Variants in FAT4 observed in about 807,000 individuals in gnomAD.
FAT4 encodes FAT atypical cadherin 4, also known as protocadherin Fat 4.
Under a neutral mutation model 303.9 loss-of-function variants are expected in FAT4, and 84 were observed. The ratio of observed to expected loss-of-function variants is 0.28; its 90% CI spans 0.23 to 0.33. The LOEUF (loss-of-function observed/expected upper bound fraction) is 0.33. Ranked by LOEUF, FAT4 falls within the 10% of genes least tolerant of loss-of-function variation. FAT4 has a pLI of 1.00. For synonymous variants in FAT4, 2,307 were observed against 2,298.8 expected, an observed-to-expected ratio of 1.00 and a Z score of -0.10; for missense variants, 6,005 against 6,146.8, an observed-to-expected ratio of 0.98 and a Z score of 0.77.
intron 2 of FAT4, among the ~76,000 whole-genome samples, chr4:125,347,595 T>TA (rs1732053120): frequency 6.6e-6 from 1 of 151,606 alleles, no homozygotes; most frequent in Non-Finnish European, 1.5e-5. Context: ...ATATAAAGCA[T>TA]AAATATAAAT....
intron 8 of FAT4, among the ~76,000 whole-genome samples, chr4:125,438,238 A>T (rs1421694104): frequency 6.6e-6 from 1 of 152,184 alleles, no homozygotes; most frequent in Non-Finnish European, 1.5e-5. Flanking sequence ...TCTTCCATTG[A>T]GTCATTCATT....
In FAT4 at chr4:125,491,606, C is replaced by T. The variant is rs1727648822; in HGVS notation, c.14790C>T (p.Phe4930=). The change falls in exon 18 of 18, where the codon TTC becomes TTT. Residue 4930 remains phenylalanine, a synonymous_variant. Coordinates refer to ENST00000394329, the MANE Select transcript of FAT4 (RefSeq NM_001291303.3). ...PMKLGQQAGT[F]NWDNLLNWGP... is the part of the protein sequence containing the mutation. ...AGCTAGGGCAGCAAGCAGGGACTTT[C>T]AACTGGGACAACCTTTTGAACTGGG... The T allele has an allele frequency of 1.9e-6, 3 of 1,614,188 alleles. No individual in the cohort carries two copies. The highest frequency in any genetic ancestry group is 2.5e-6 in the Non-Finnish European group (3 of 1,180,028).
intron 8 of FAT4, among the ~76,000 whole-genome samples, chr4:125,442,385 C>T (rs1211968822): frequency 6.6e-6 from 1 of 151,970 alleles, no homozygotes; most frequent in East Asian, 1.9e-4. Context: ...ACCTACTTAA[C>T]CGTGTCTCTG....
intron 2 of FAT4, among the ~76,000 whole-genome samples, chr4:125,324,759 A>T (rs890636281): frequency 6.6e-6 from 1 of 152,074 alleles, no homozygotes; most frequent in Non-Finnish European, 1.5e-5. Flanking sequence ...TGTCAAGGAC[A>T]CCCCTGGAGA....
intron 10 of FAT4, among the ~76,000 whole-genome samples, chr4:125,459,442 G>A (rs17009708): frequency 0.021 from 3,261 of 152,008 alleles, 127 homozygotes; most frequent in African/African-American, 0.075. Flanking sequence ...GAAAGTCTGC[G>A]GATACCATGG....
rs751694824 is a variant in FAT4, at chr4:125,395,032, G to GT, written c.5176-3751dup. 8.5e-5 allele frequency among the ~76,000 whole-genome samples: 13 copies of GT among 152,262 alleles called. No homozygotes were observed. The East Asian group carries it at 1.5e-3, about 18-fold the overall frequency. On this transcript the variant is annotated intron_variant, in intron 2 of 17. Coordinates refer to ENST00000394329, the MANE Select transcript of FAT4 (RefSeq NM_001291303.3). ...GTTAGATTTAGTGACCACATCACAT[G>GT]TAAATGGGTTCAGAATCTTGCAATT...
rs562842293 is a variant in FAT4 at position 125,434,229 on chromosome 4, T to C, written c.7019-16T>C. On this transcript the variant is annotated splice_polypyrimidine_tract_variant and intron_variant, in intron 7 of 17. Coordinates refer to ENST00000394329, the MANE Select transcript of FAT4 (RefSeq NM_001291303.3). ...TTGTTTATAAACATTGAGACTTGAT[T>C]TTCTTTTCTTTTTAGGATCCCCTGC... 5.0e-6 allele frequency: 8 copies of C among 1,603,670 alleles called. No individual in the cohort carries two copies. In the South Asian group the frequency reaches 8.9e-5, roughly 18 times the overall value.
intron 2 of FAT4, among the ~76,000 whole-genome samples, chr4:125,355,972 C>T (rs1377255286): frequency 4.6e-5 from 7 of 151,970 alleles, no homozygotes; most frequent in Non-Finnish European, 1.0e-4. Context: ...AGCAGCCCTG[C>T]TGTTTGGATC....
intron 2 of FAT4, among the ~76,000 whole-genome samples, chr4:125,334,071 G>A (rs970748080): frequency 1.3e-5 from 2 of 151,904 alleles, no homozygotes; most frequent in Non-Finnish European, 2.9e-5. Flanking sequence ...CACTTAGTTG[G>A]CAGAGGAGTC....
Position 125,319,325 on chromosome 4 carries a change from G to C in FAT4, c.2914G>C (p.Gly972Arg). ...YQIEILASDM[G>R]VPQLSSSVIL... ...AATAGAGATCTTGGCATCTGACATG[G>C]GTGTCCCACAGCTCTCCTCTAGTGT... Residue 972 changes from glycine (G) to arginine (R), a missense_variant, in exon 2 of 18, where the codon GGT becomes CGT. Coordinates refer to ENST00000394329, the MANE Select transcript of FAT4 (RefSeq NM_001291303.3). The C allele has an allele frequency of 6.2e-7, 1 of 1,613,904 alleles. No individual in the cohort carries two copies. Among genetic ancestry groups the C allele is most frequent in the Non-Finnish European group, 8.5e-7 (1 of 1,179,926 alleles).
intron 2 of FAT4, among the ~76,000 whole-genome samples, chr4:125,354,962 A>G (rs1387747286): frequency 6.6e-6 from 1 of 151,820 alleles, no homozygotes; most frequent in East Asian, 1.9e-4. Flanking sequence ...TCAACTGCAC[A>G]TTTATATTAT....
In FAT4 at chr4:125,469,458, A is replaced by G. The variant is rs141896581; in HGVS notation, c.12213+639A>G. ...CTATTTGATTGATACCATTTTACCCACAGATGAAATTGTTTCAAACTTGAA... is the reference window on the plus strand; with the variant it reads ...CTATTTGATTGATACCATTTTACCCGCAGATGAAATTGTTTCAAACTTGAA... On this transcript the variant is annotated intron_variant, in intron 12 of 17. Transcript: ENST00000394329. 3.9e-4 allele frequency among the ~76,000 whole-genome samples: 60 copies of G among 152,326 alleles called. No homozygotes were observed. The East Asian group carries it at 0.01, about 26-fold the overall frequency.
rs138548779 is a variant in FAT4, at chr4:125,317,684, G to C, written c.1273G>C (p.Ala425Pro). 8.1e-6 allele frequency: 13 copies of C among 1,614,064 alleles called. No homozygotes were observed. In the Admixed American group the frequency reaches 2.0e-4, roughly 25 times the overall value. ...PNLSLIKVAS[A>P]LDRERIPSYN... ...CCTGAGCCTAATCAAGGTGGCCAGCGCCTTGGACCGCGAGCGCATCCCTTC... is the reference window on the plus strand; with the variant it reads ...CCTGAGCCTAATCAAGGTGGCCAGCCCCTTGGACCGCGAGCGCATCCCTTC... Residue 425 changes from alanine (A) to proline (P), a missense_variant, in exon 2 of 18, where the codon GCC becomes CCC. Transcript: ENST00000394329. This position sits in a 1 kb window ranked among gnomAD's most constrained non-coding sequence, Gnocchi z 7.0.
At chr4:125,406,457 C>G (rs1185608188) in intron 3 of FAT4, among the ~76,000 whole-genome samples, 1 of 152,096 alleles carries the variant, frequency 6.6e-6, no homozygotes, top group Non-Finnish European at 1.5e-5. Flanking sequence ...TTATCTTTCT[C>G]AAGATTGTTT....
chr4:125,323,383 A>G (rs1731031326), intron 2 of FAT4, among the ~76,000 whole-genome samples: 1 of 152,202 alleles, frequency 6.6e-6, no homozygotes, highest in Non-Finnish European at 1.5e-5. Context: ...GTTTATAAGT[A>G]ATTTTGTTAT....
chr4:125,413,615 G>A (rs7691576), intron 5 of FAT4, among the ~76,000 whole-genome samples: 3,823 of 139,208 alleles, frequency 0.027, 155 homozygotes, highest in African/African-American at 0.095. Context: ...TAAGTGTGGC[G>A]TTTTTAAAAA....
chr4:125,356,542 G>GTTTTTTT (rs1230221758), intron 2 of FAT4, among the ~76,000 whole-genome samples: 8 of 98,448 alleles, frequency 8.1e-5, no homozygotes, highest in Middle Eastern at 5.3e-3. Context: ...AGGGTGTTTT[G>GTTTTTTT]TTTTTTGTTT....
At chr4:125,403,778 G>T (rs1365052935) in intron 3 of FAT4, among the ~76,000 whole-genome samples, 3 of 152,014 alleles carry the variant, frequency 2.0e-5, no homozygotes, top group Admixed American at 2.0e-4. Context: ...AATTTAAAAA[G>T]ACTTTTTTTT....
chr4:125,400,198 G>T (rs1044867407), intron 3 of FAT4, among the ~76,000 whole-genome samples: 1 of 151,860 alleles, frequency 6.6e-6, no homozygotes, highest in Non-Finnish European at 1.5e-5. Flanking sequence ...CACTTTAAAA[G>T]AATGAAGTAA....
Sources: gnomAD v4.1 joint callset for allele counts (sites outside exome capture counted in the v4.1 genomes callset) on GRCh38, gnomAD v4.1.1 for gene constraint, Gnocchi (gnomAD v3.1) non-coding constraint, MANE v1.5 for transcripts, NCBI Gene and HGNC (gene_info 2026-07-23, HGNC 2026-07-21) for gene names.